The following SAMMSON variants were observed in gnomAD, a reference collection of about 807,000 sequenced individuals.
The protein encoded by SAMMSON is survival associated mitochondrial melanoma specific oncogenic non-coding RNA, also known as long intergenic non-protein coding RNA 1212.
At chr3:70,117,199 G>A (rs2067415552) in intron 4 of SAMMSON, among the ~76,000 whole-genome samples, 1 of 152,150 alleles carries the variant, frequency 6.6e-6, no homozygotes, top group South Asian at 2.1e-4. Flanking sequence ...TCTCTGCCCT[G>A]ATTTTGAACT....
intron 4 of SAMMSON, chr3:70,125,859 G>C (rs1169407885): frequency 1.5e-6 from 1 of 675,642 alleles, no homozygotes; most frequent in African/African-American, 1.8e-5. Context: ...TTTTCTGTTG[G>C]TCCTCATCAT....
chr3:70,340,391 T>C (rs1702702831), intron 7 of SAMMSON, among the ~76,000 whole-genome samples: 1 of 151,078 alleles, frequency 6.6e-6, no homozygotes, highest in African/African-American at 2.4e-5. Context: ...AAAGTATATA[T>C]ATATATAAAA....
At chr3:70,057,052 ATAGT>A (rs1576110769) in intron 3 of SAMMSON, among the ~76,000 whole-genome samples, 2 of 152,198 alleles carry the variant, frequency 1.3e-5, no homozygotes, top group East Asian at 3.9e-4. Context: ...TATGGATGTG[ATAGT>A]TAGCCAAAGA....
intron 7 of SAMMSON, among the ~76,000 whole-genome samples, chr3:70,343,484 A>G (rs1211518862): frequency 1.3e-5 from 2 of 151,988 alleles, no homozygotes; most frequent in African/African-American, 2.4e-5. Flanking sequence ...ATCAATGGGG[A>G]TTTGGCTGAA....
At chr3:70,423,724 CTG>C (rs1276226819) in intron 2 of SAMMSON, among the ~76,000 whole-genome samples, 1 of 152,152 alleles carries the variant, frequency 6.6e-6, no homozygotes, top group African/African-American at 2.4e-5. Context: ...TCTTGGAACT[CTG>C]TATGTTTGGG....
chr3:70,421,446 G>A (rs2106774563), intron 2 of SAMMSON, among the ~76,000 whole-genome samples: 1 of 152,180 alleles, frequency 6.6e-6, no homozygotes, highest in East Asian at 1.9e-4. Flanking sequence ...ATCTTAGGAG[G>A]ATTTCTTTCT....
intron 4 of SAMMSON, among the ~76,000 whole-genome samples, chr3:70,082,108 A>C (rs558876551): frequency 6.6e-6 from 1 of 152,300 alleles, no homozygotes; most frequent in South Asian, 2.1e-4. Context: ...GATATCAGTC[A>C]ACTCTGTCCT....
chr3:70,353,582 G>A (rs1377212528), intron 7 of SAMMSON, among the ~76,000 whole-genome samples: 1 of 152,102 alleles, frequency 6.6e-6, no homozygotes, highest in African/African-American at 2.4e-5. Flanking sequence ...ACTAAATGCT[G>A]TAGAAGTTCT....
intron 4 of SAMMSON, among the ~76,000 whole-genome samples, chr3:70,083,174 A>G (rs1170703154): frequency 6.6e-6 from 1 of 152,186 alleles, no homozygotes; most frequent in Non-Finnish European, 1.5e-5. Context: ...CTTTTATTTA[A>G]GAGCTCAGTA....
intron 3 of SAMMSON, among the ~76,000 whole-genome samples, chr3:70,047,167 C>A (rs527643725): frequency 2.0e-5 from 3 of 151,978 alleles, no homozygotes; most frequent in Non-Finnish European, 4.4e-5. Context: ...CTCTTTTGGA[C>A]CCCTTACAAA....
intron 3 of SAMMSON, among the ~76,000 whole-genome samples, chr3:70,046,784 G>A (rs1157476139): frequency 6.6e-6 from 1 of 152,098 alleles, no homozygotes; most frequent in Non-Finnish European, 1.5e-5. Context: ...GATAATTTAT[G>A]TCTTTGCTTT....
intron 3 of SAMMSON, chr3:70,025,084 T>TA (rs1478957555): frequency 6.6e-6 from 1 of 152,178 alleles, no homozygotes; most frequent in Admixed American, 6.6e-5. Flanking sequence ...TATTTTATGA[T>TA]AAAATCTGTG....
intron 4 of SAMMSON, among the ~76,000 whole-genome samples, chr3:70,162,533 T>C (rs1337163287): frequency 6.6e-6 from 1 of 151,920 alleles, no homozygotes; most frequent in African/African-American, 2.4e-5. Context: ...TTAAATGTGT[T>C]ATGATTTGTA....
chr3:70,245,671 TTATATATA>T (rs34480688), intron 4 of SAMMSON, among the ~76,000 whole-genome samples: 1,576 of 57,228 alleles, frequency 0.028, 33 homozygotes, highest in African/African-American at 0.062. Context: ...GCAAACTGCT[TTATATATA>T]TATATATATA....
chr3:70,103,043 G>A (rs1302115835), intron 4 of SAMMSON, among the ~76,000 whole-genome samples: 1 of 152,148 alleles, frequency 6.6e-6, no homozygotes, highest in Non-Finnish European at 1.5e-5. Flanking sequence ...ATATAAATAT[G>A]TAAAGCAGGC....
intron 4 of SAMMSON, among the ~76,000 whole-genome samples, chr3:70,117,381 A>G (rs531542251): frequency 6.6e-6 from 1 of 152,248 alleles, no homozygotes; most frequent in Non-Finnish European, 1.5e-5. Flanking sequence ...TATGACATTC[A>G]TCATAGTTTA....
At chr3:70,196,937 A>T (rs1701187389) in intron 4 of SAMMSON, 1 of 398,430 alleles carries the variant, frequency 2.5e-6, no homozygotes, top group African/African-American at 2.1e-5. Flanking sequence ...TAGCGGTAAC[A>T]GATTTCTGAA....
intron 4 of SAMMSON, among the ~76,000 whole-genome samples, chr3:70,202,480 T>C (rs1381700555): frequency 6.6e-6 from 1 of 152,146 alleles, no homozygotes; most frequent in African/African-American, 2.4e-5. Flanking sequence ...ACTTTTCTGC[T>C]CTTCTAAAAC....
At chr3:70,225,954 A>G (rs959156571) in intron 4 of SAMMSON, among the ~76,000 whole-genome samples, 18 of 152,176 alleles carry the variant, frequency 1.2e-4, no homozygotes, top group Admixed American at 1.0e-3. Flanking sequence ...GATGATGCTT[A>G]CGTCATTAAC....
Sources: gnomAD v4.1 joint callset for allele counts (sites outside exome capture counted in the v4.1 genomes callset) on GRCh38, gnomAD v4.1.1 for gene constraint, MANE v1.5 for transcripts, NCBI Gene and HGNC (gene_info 2026-07-23, HGNC 2026-07-21) for gene names.